TENT5D: variants seen among roughly 807,000 people sequenced by gnomAD.
TENT5D encodes the protein cancer/testis antigen 112.
For synonymous variants in TENT5D, 103 were observed against 100.6 expected, an observed-to-expected ratio of 1.02 and a Z score of -0.15; for missense variants, 191 against 287.0, an observed-to-expected ratio of 0.67 and a Z score of 2.42.
rs148082423 is a variant in TENT5D at position 80,443,079 on chromosome X, G to A, written c.540G>A (p.Leu180=). Residue 180 remains leucine (L), a synonymous_variant, in exon 3 of 3, where the codon TTG becomes TTA. Transcript: ENST00000308293. ...GTGTAGATTCCTTTCAAATTGTTTT[G>A]GATCCCATGTTAGACTTCTACAGTG... 4.1e-4 allele frequency: 496 copies of A among 1,207,543 alleles called. 2 individuals carry two copies. In the African/African-American group the frequency reaches 7.5e-3, roughly 18 times the overall value.
chrX:80,347,864 G>C (rs887882182), intron 3 of TENT5D, among the ~76,000 whole-genome samples: 1 of 112,070 alleles, frequency 8.9e-6, no homozygotes, highest in Non-Finnish European at 1.9e-5. Flanking sequence ...GTGTAAGGAA[G>C]GGGTCTGGTT....
chrX:80,353,952 A>AT (rs201761388), intron 3 of TENT5D, among the ~76,000 whole-genome samples: 18 of 109,383 alleles, frequency 1.6e-4, no homozygotes, highest in African/African-American at 4.0e-4. Context: ...TATTATTATT[A>AT]TTTTTTTTTA....
intron 3 of TENT5D, among the ~76,000 whole-genome samples, chrX:80,357,224 A>G (rs1288087602): frequency 8.9e-6 from 1 of 111,847 alleles, no homozygotes; most frequent in African/African-American, 3.3e-5. Context: ...ATAAACATAC[A>G]TGTGCATGTG....
chrX:80,349,802 C>T (rs1309756915), intron 3 of TENT5D, among the ~76,000 whole-genome samples: 1 of 110,919 alleles, frequency 9.0e-6, no homozygotes, highest in African/African-American at 3.3e-5. Flanking sequence ...CTTTAAATTT[C>T]CCTCTAAACA....
chrX:80,377,578 T>C (rs954441110), intron 3 of TENT5D, among the ~76,000 whole-genome samples: 2 of 112,109 alleles, frequency 1.8e-5, no homozygotes, highest in Non-Finnish European at 3.8e-5. Context: ...TCATTTCTTA[T>C]GGCTGCATAG....
At chrX:80,341,447 G>T (rs1015021866) in intron 2 of TENT5D, among the ~76,000 whole-genome samples, 1 of 111,646 alleles carries the variant, frequency 9.0e-6, no homozygotes, top group Non-Finnish European at 1.9e-5. Context: ...ATCAGAAACA[G>T]AATACTGAGC....
At chrX:80,372,615 G>A (rs1030760245) in intron 3 of TENT5D, among the ~76,000 whole-genome samples, 10 of 110,912 alleles carry the variant, frequency 9.0e-5, no homozygotes, top group African/African-American at 2.0e-4. Flanking sequence ...AGCCAGGTGC[G>A]GTGGCTCATT....
chrX:80,414,316 G>A (rs1382619835), intron 3 of TENT5D, among the ~76,000 whole-genome samples: 2 of 112,013 alleles, frequency 1.8e-5, no homozygotes, highest in African/African-American at 6.5e-5. Flanking sequence ...GAACCATAAA[G>A]ATAGCTCAAG....
rs760192166 is a variant in TENT5D at position 80,427,954 on chromosome X, C to A, written c.-142+7391C>A. On this transcript the variant is annotated intron_variant, in intron 1 of 2. Coordinates refer to ENST00000308293, the Ensembl canonical transcript of TENT5D. Reference sequence around the variant, plus strand: ...TTAGTTGACTGAGAAAAAACGTTTTCCAGAAAAACAAATTTATGAAGAGAA... The same window carrying A: ...TTAGTTGACTGAGAAAAAACGTTTTACAGAAAAACAAATTTATGAAGAGAA... Among the ~76,000 whole-genome samples, 4 of 111,271 alleles carry A rather than the reference C, an allele frequency of 3.6e-5. No individual in the cohort carries two copies. The East Asian group carries it at 1.1e-3, about 31-fold the overall frequency.
exon 1 of TENT5D, chrX:80,420,527 C>G (rs1313877368): frequency 1.8e-5 from 2 of 111,336 alleles, no homozygotes; most frequent in Non-Finnish European, 3.8e-5. Flanking sequence ...CAGAGTAAGA[C>G]TGTTAAATTC....
chrX:80,362,497 C>G (rs758926377), intron 3 of TENT5D, among the ~76,000 whole-genome samples: 51 of 112,274 alleles, frequency 4.5e-4, no homozygotes, highest in Middle Eastern at 4.7e-3. Context: ...GGTATTTCAT[C>G]TCAGCCCAAT....
chrX:80,395,904 T>A (rs1931230882), intron 3 of TENT5D, among the ~76,000 whole-genome samples: 1 of 105,840 alleles, frequency 9.4e-6, no homozygotes, highest in Non-Finnish European at 1.9e-5. Flanking sequence ...TTTGCTTCTG[T>A]GAGATGAACT....
intron 3 of TENT5D, among the ~76,000 whole-genome samples, chrX:80,383,970 A>G (rs868077652): frequency 9.0e-6 from 1 of 111,437 alleles, no homozygotes; most frequent in African/African-American, 3.3e-5. Context: ...TTCACAGTGG[A>G]ATTCTACCAG....
chrX:80,337,553 A>G (rs1929875100), intron 2 of TENT5D, among the ~76,000 whole-genome samples: 1 of 111,358 alleles, frequency 9.0e-6, no homozygotes, highest in South Asian at 3.7e-4. Flanking sequence ...ATGTTCCTCA[A>G]CCAGGTTATT....
chrX:80,335,911 AAT>A (rs1006410448), intron 2 of TENT5D, among the ~76,000 whole-genome samples: 2 of 110,072 alleles, frequency 1.8e-5, no homozygotes, highest in Non-Finnish European at 1.9e-5. Context: ...TTTTTTTTTC[AAT>A]ATATATATAA....
chrX:80,363,313 A>C (rs749416484), intron 3 of TENT5D, among the ~76,000 whole-genome samples: 3 of 111,705 alleles, frequency 2.7e-5, no homozygotes, highest in Non-Finnish European at 5.7e-5. Context: ...ATTGAATATA[A>C]AAACCAAATT....
At chrX:80,391,865 C>T (rs1279150568) in intron 3 of TENT5D, among the ~76,000 whole-genome samples, 1 of 112,475 alleles carries the variant, frequency 8.9e-6, no homozygotes, top group Admixed American at 9.4e-5. Context: ...GTTGAGGTGC[C>T]GCTAGGCACT....
intron 1 of TENT5D, among the ~76,000 whole-genome samples, chrX:80,426,583 C>T (rs1931992814): frequency 9.0e-6 from 1 of 111,565 alleles, no homozygotes; most frequent in African/African-American, 3.2e-5. Flanking sequence ...CTATGTAATA[C>T]TCCTTTGAAT....
intron 3 of TENT5D, among the ~76,000 whole-genome samples, chrX:80,364,625 AGGGGTCACTTT>A (rs746338675): frequency 9.1e-6 from 1 of 110,262 alleles, no homozygotes; most frequent in African/African-American, 3.3e-5. Flanking sequence ...AGGAGAGATC[AGGGGTCACTTT>A]TCTTTGTTTT....
Sources: gnomAD v4.1 joint callset for allele counts (sites outside exome capture counted in the v4.1 genomes callset) on GRCh38, gnomAD v4.1.1 for gene constraint, MANE v1.5 for transcripts, NCBI Gene and HGNC (gene_info 2026-07-23, HGNC 2026-07-21) for gene names.